KCNQ5: variants seen among roughly 807,000 people sequenced by gnomAD.
KCNQ5 encodes potassium voltage-gated channel subfamily Q member 5, also known as potassium voltage-gated channel subfamily KQT member 5.
In KCNQ5, 30 loss-of-function variants were observed where a neutral mutation model predicts 98.2. That is an observed-to-expected ratio of 0.31 (90% CI 0.23 to 0.41). The LOEUF (loss-of-function observed/expected upper bound fraction) is 0.41. Among genes scored for constraint, KCNQ5 ranks in the 10% least tolerant of loss-of-function variants. The probability of loss-of-function intolerance (pLI) is 1.00; values close to 1 mark genes in which losing one functional copy is unlikely to be tolerated. For synonymous variants in KCNQ5, 458 were observed against 449.4 expected, an observed-to-expected ratio of 1.02 and a Z score of -0.24; for missense variants, 835 against 1,182.5, an observed-to-expected ratio of 0.71 and a Z score of 4.31.
intron 11 of KCNQ5, among the ~76,000 whole-genome samples, chr6:73,171,955 G>A (rs1778031744): frequency 6.6e-6 from 1 of 152,222 alleles, no homozygotes; most frequent in Admixed American, 6.5e-5. Context: ...AGGATTGTGA[G>A]CTGCAAGAAA....
At chr6:72,632,136 T>TAA (rs2098921167) in intron 1 of KCNQ5, among the ~76,000 whole-genome samples, 1 of 107,816 alleles carries the variant, frequency 9.3e-6, no homozygotes, top group Non-Finnish European at 2.2e-5. Flanking sequence ...CTTTCTTTCT[T>TAA]TCTTTTTTTT....
At position 72,714,910 on chromosome 6, in the gene KCNQ5, C is replaced by G. The variant is rs552947918; in HGVS notation, c.398+92323C>G. Reference sequence around the variant, plus strand: ...AACAAATTAATGCTAGAAATTGTTTCTAACAGGAGATAATAAAGGAAATGG... The same window carrying G: ...AACAAATTAATGCTAGAAATTGTTTGTAACAGGAGATAATAAAGGAAATGG... On this transcript the variant is annotated intron_variant, in intron 1 of 13. Coordinates refer to ENST00000370398, the MANE Select transcript of KCNQ5 (RefSeq NM_019842.4). Among the ~76,000 whole-genome samples, 8 of 152,186 alleles carry G rather than the reference C, an allele frequency of 5.3e-5. No individual in the cohort carries two copies. In the South Asian group the frequency reaches 1.7e-3, roughly 32 times the overall value.
intron 10 of KCNQ5, among the ~76,000 whole-genome samples, chr6:73,144,902 G>C (rs139479806): frequency 2.0e-3 from 312 of 152,330 alleles, no homozygotes; most frequent in African/African-American, 6.4e-3. Flanking sequence ...ACCTATCACA[G>C]TATAATGTCC....
intron 1 of KCNQ5, among the ~76,000 whole-genome samples, chr6:72,814,039 G>C (rs941162147): frequency 1.3e-4 from 20 of 152,106 alleles, no homozygotes; most frequent in Non-Finnish European, 2.4e-4. Flanking sequence ...GGGCCAGGCA[G>C]GATCAGAGGA....
intron 1 of KCNQ5, among the ~76,000 whole-genome samples, chr6:72,689,045 A>G (rs1341362078): frequency 6.6e-6 from 1 of 152,246 alleles, no homozygotes; most frequent in Non-Finnish European, 1.5e-5. Context: ...AAGTCATTAA[A>G]TGTTCATTAC....
At chr6:73,078,535 C>A (rs1773630912) in intron 5 of KCNQ5, among the ~76,000 whole-genome samples, 1 of 152,062 alleles carries the variant, frequency 6.6e-6, no homozygotes, top group Admixed American at 6.5e-5. Flanking sequence ...ATGAAGAAAC[C>A]AGTAAGATGT....
chr6:73,066,061 G>T (rs183235432), intron 3 of KCNQ5, among the ~76,000 whole-genome samples: 1 of 152,168 alleles, frequency 6.6e-6, no homozygotes, highest in South Asian at 2.1e-4. Context: ...CAGGAAAATC[G>T]CTTGAACCCG....
chr6:72,710,277 A>T (rs1769297767), intron 1 of KCNQ5, among the ~76,000 whole-genome samples: 2 of 152,220 alleles, frequency 1.3e-5, no homozygotes, highest in Admixed American at 1.3e-4. Flanking sequence ...CAATGTAGCA[A>T]TCAGAAATCA....
At chr6:73,105,081 C>T (rs1774946817) in intron 5 of KCNQ5, among the ~76,000 whole-genome samples, 176 bp from the exon 6 acceptor site, 1 of 152,118 alleles carries the variant, frequency 6.6e-6, no homozygotes, top group African/African-American at 2.4e-5. Context: ...TTATTCCTTT[C>T]CTTAAACAAA....
At position 73,195,431 on chromosome 6, in the gene KCNQ5, C is replaced by T. The variant is rs779218162; in HGVS notation, c.*17C>T. On this transcript the variant is annotated 3_prime_UTR_variant, in exon 14 of 14. Coordinates refer to ENST00000370398, the MANE Select transcript of KCNQ5 (RefSeq NM_019842.4). Reference sequence around the variant, plus strand: ...CTGAAATAAGTTCTTCATTTTCTTTCCAGGCATAGCAGTTCTTTAGCCATA... The same window carrying T: ...CTGAAATAAGTTCTTCATTTTCTTTTCAGGCATAGCAGTTCTTTAGCCATA... 3 of 1,605,862 alleles carry T rather than the reference C, an allele frequency of 1.9e-6. No homozygotes were observed. The South Asian group carries it at 3.3e-5, about 18-fold the overall frequency.
chr6:72,723,563 C>T lies in KCNQ5; in HGVS notation c.398+100976C>T, dbSNP rs540403320. Among the ~76,000 whole-genome samples the T allele has an allele frequency of 2.0e-5, 3 of 152,294 alleles. No individual in the cohort carries two copies. The South Asian group carries it at 6.2e-4, about 32-fold the overall frequency. On this transcript the variant is annotated intron_variant, in intron 1 of 13. Transcript: ENST00000370398. ...CAGGGTTTGCTGTTGGAGCAATGCT[C>T]ATGCTATGAATGTATGCAAGAAACA...
intron 1 of KCNQ5, among the ~76,000 whole-genome samples, chr6:72,642,303 C>G (rs966365553): frequency 2.0e-5 from 3 of 151,770 alleles, no homozygotes; most frequent in African/African-American, 4.8e-5. Context: ...AGACACTTTT[C>G]TTTTTAAATT....
At chr6:73,110,424 G>A (rs1775196746) in intron 6 of KCNQ5, among the ~76,000 whole-genome samples, 1 of 152,114 alleles carries the variant, frequency 6.6e-6, no homozygotes, top group South Asian at 2.1e-4. Flanking sequence ...AAGAGTGGGG[G>A]ACATCAAAGA....
chr6:73,158,071 G>T, intron 10 of KCNQ5: 1 of 546,422 alleles, frequency 1.8e-6, no homozygotes, highest in Non-Finnish European at 3.4e-6. Context: ...CCAGGACGCC[G>T]CCGGAACCCG....
intron 1 of KCNQ5, among the ~76,000 whole-genome samples, chr6:72,770,937 G>A (rs1004833368): frequency 6.6e-6 from 1 of 151,936 alleles, no homozygotes; most frequent in East Asian, 1.9e-4. Context: ...CTCTCTATTG[G>A]CTTTCACATT....
chr6:72,741,555 A>T (rs1479262186), intron 1 of KCNQ5, among the ~76,000 whole-genome samples: 2 of 152,148 alleles, frequency 1.3e-5, no homozygotes, highest in African/African-American at 4.8e-5. Context: ...AAAAATTTGC[A>T]TTTCAAACAA....
intron 1 of KCNQ5, among the ~76,000 whole-genome samples, chr6:72,943,022 G>T (rs1341908312): frequency 6.6e-6 from 1 of 152,086 alleles, no homozygotes; most frequent in Non-Finnish European, 1.5e-5. Context: ...TCCTTTTCAT[G>T]ATCATACCAT....
chr6:73,182,210 G>A (rs1034973380), intron 11 of KCNQ5, among the ~76,000 whole-genome samples: 4 of 152,170 alleles, frequency 2.6e-5, no homozygotes, highest in African/African-American at 9.7e-5. Flanking sequence ...TATAAATAAA[G>A]TTTTATTGAA....
chr6:73,121,202 A>G (rs1219200609), intron 8 of KCNQ5, among the ~76,000 whole-genome samples: 2 of 152,236 alleles, frequency 1.3e-5, no homozygotes, highest in African/African-American at 2.4e-5. Context: ...CATTGGCCAA[A>G]GTAAATCACT....
Sources: gnomAD v4.1 joint callset for allele counts (sites outside exome capture counted in the v4.1 genomes callset) on GRCh38, gnomAD v4.1.1 for gene constraint, MANE v1.5 for transcripts, NCBI Gene and HGNC (gene_info 2026-07-23, HGNC 2026-07-21) for gene names.